ADGRL3: variants seen among roughly 807,000 people sequenced by gnomAD.
ADGRL3 encodes the protein calcium-independent alpha-latrotoxin receptor 3.
A neutral mutation model predicts 153.5 loss-of-function variants in ADGRL3; 62 were observed. That is an observed-to-expected ratio of 0.40 (90% CI 0.33 to 0.50). ADGRL3 has a LOEUF of 0.50. ADGRL3 is among the 20% of genes least tolerant of loss of function. The pLI is 0.47. For missense variants in ADGRL3, 1,641 were observed against 1,859.4 expected (o/e 0.88, Z 2.16); for synonymous variants, 710 against 672.5 (o/e 1.06, Z -0.86).
chr4:61,505,336 T>C (rs1452008371), intron 3 of ADGRL3, among the ~76,000 whole-genome samples: 1 of 152,166 alleles, frequency 6.6e-6, no homozygotes, highest in African/African-American at 2.4e-5. Context: ...TGTCAGATGA[T>C]AGTTTGCAAA....
chr4:61,501,523 A>C (rs1354946765), intron 3 of ADGRL3, among the ~76,000 whole-genome samples: 20 of 152,198 alleles, frequency 1.3e-4, no homozygotes. Flanking sequence ...TTTCTACTCA[A>C]ACCTCAGTAT....
intron 1 of ADGRL3, among the ~76,000 whole-genome samples, chr4:61,206,688 AG>A (rs1486266141): frequency 6.6e-6 from 1 of 152,178 alleles, no homozygotes; most frequent in Non-Finnish European, 1.5e-5. Context: ...CATAATCAAA[AG>A]TCATTTTAGA....
At chr4:61,732,621 A>G (rs985204314) in intron 7 of ADGRL3, 133 bp from the exon 8 acceptor site, 1 of 467,456 alleles carries the variant, frequency 2.1e-6, no homozygotes, top group African/African-American at 2.0e-5. Flanking sequence ...TTGTGTTCTT[A>G]AAAGAATGCA....
intron 25 of ADGRL3, among the ~76,000 whole-genome samples, chr4:62,059,975 A>C (rs1560567208): frequency 6.6e-6 from 1 of 152,134 alleles, no homozygotes; most frequent in African/African-American, 2.4e-5. Flanking sequence ...ATATAACCAC[A>C]TAGATTATTT....
At chr4:62,069,891 A>C (rs1047147926) in intron 26 of ADGRL3, among the ~76,000 whole-genome samples, 2 of 152,184 alleles carry the variant, frequency 1.3e-5, no homozygotes, top group Non-Finnish European at 2.9e-5. Flanking sequence ...TACTTTAAAT[A>C]TGATTTTCCC....
chr4:61,379,276 G>A (rs1267565532), intron 1 of ADGRL3, among the ~76,000 whole-genome samples: 1 of 151,932 alleles, frequency 6.6e-6, no homozygotes, highest in Non-Finnish European at 1.5e-5. Flanking sequence ...TGTCGTAAAT[G>A]TGATAATTAT....
At chr4:61,623,056 ATCTC>A (rs1406408432) in intron 5 of ADGRL3, among the ~76,000 whole-genome samples, 1 of 152,138 alleles carries the variant, frequency 6.6e-6, no homozygotes, top group African/African-American at 2.4e-5. Context: ...TGGTTTTGAA[ATCTC>A]TCTAACTTTA....
At chr4:61,569,463 G>A (rs984638213) in intron 4 of ADGRL3, among the ~76,000 whole-genome samples, 4 of 152,122 alleles carry the variant, frequency 2.6e-5, no homozygotes, top group African/African-American at 7.2e-5. Flanking sequence ...GCTGGGTGTG[G>A]TGGAGCATAC....
chr4:61,936,783 C>CACAG (rs1553887520), intron 15 of ADGRL3, among the ~76,000 whole-genome samples: 2 of 134,534 alleles, frequency 1.5e-5, no homozygotes, highest in Admixed American at 1.5e-4. Flanking sequence ...CATATGCATA[C>CACAG]ACACACACAC....
intron 4 of ADGRL3, among the ~76,000 whole-genome samples, chr4:61,559,861 A>G (rs1006946956): frequency 6.6e-6 from 1 of 152,062 alleles, no homozygotes; most frequent in African/African-American, 2.4e-5. Context: ...CAAATAAAAA[A>G]TTAACTGAGA....
intron 22 of ADGRL3, among the ~76,000 whole-genome samples, chr4:62,029,210 G>A (rs1327222583): frequency 2.0e-5 from 3 of 151,438 alleles, no homozygotes; most frequent in African/African-American, 4.8e-5. Flanking sequence ...TGCCACATAC[G>A]TCCGCTTTTC....
intron 6 of ADGRL3, among the ~76,000 whole-genome samples, chr4:61,699,946 A>C (rs1483712217): frequency 6.6e-6 from 1 of 150,382 alleles, no homozygotes; most frequent in Non-Finnish European, 1.5e-5. Context: ...TAACAAGGAG[A>C]TACACACACA....
intron 1 of ADGRL3, among the ~76,000 whole-genome samples, chr4:61,232,722 G>A (rs368098920): frequency 6.6e-6 from 1 of 152,064 alleles, no homozygotes; most frequent in African/African-American, 2.4e-5. Flanking sequence ...GACATGTCAG[G>A]TAAGACATGT....
At chr4:61,802,898 G>T (rs2097515528) in intron 8 of ADGRL3, among the ~76,000 whole-genome samples, 1 of 151,874 alleles carries the variant, frequency 6.6e-6, no homozygotes, top group African/African-American at 2.4e-5. Flanking sequence ...ATTTTTAAAA[G>T]AAAAATCCTT....
chr4:61,863,856 A>G (rs2149309643), intron 9 of ADGRL3, among the ~76,000 whole-genome samples: 1 of 152,336 alleles, frequency 6.6e-6, no homozygotes, highest in Non-Finnish European at 1.5e-5. Context: ...TGGTCTTAGC[A>G]AAAGCTGATT....
chr4:61,390,769 G>A (rs973521329), intron 2 of ADGRL3, among the ~76,000 whole-genome samples: 6 of 152,098 alleles, frequency 3.9e-5, no homozygotes, highest in Non-Finnish European at 5.9e-5. Context: ...ACCACAATTA[G>A]GATACAAAAC....
chr4:61,378,462 A>C (rs940645452), intron 1 of ADGRL3, among the ~76,000 whole-genome samples: 4 of 152,024 alleles, frequency 2.6e-5, no homozygotes, highest in Non-Finnish European at 4.4e-5. Context: ...AAGTTTACCA[A>C]GCATATAGAG....
intron 5 of ADGRL3, among the ~76,000 whole-genome samples, chr4:61,643,882 A>T (rs2150233139): frequency 6.8e-6 from 1 of 147,662 alleles, no homozygotes. Context: ...TCCTCCTTTT[A>T]CCTCTGGTAG....
chr4:61,481,398 C>T (rs539339011), intron 2 of ADGRL3, among the ~76,000 whole-genome samples: 7 of 152,128 alleles, frequency 4.6e-5, no homozygotes, highest in Admixed American at 2.0e-4. Context: ...CAAAATTATT[C>T]GACTCTAAAA....
Sources: gnomAD v4.1 joint callset for allele counts (sites outside exome capture counted in the v4.1 genomes callset) on GRCh38, gnomAD v4.1.1 for gene constraint, MANE v1.5 for transcripts, NCBI Gene and HGNC (gene_info 2026-07-23, HGNC 2026-07-21) for gene names.